ANK2: variants seen among roughly 807,000 people sequenced by gnomAD.
ANK2 encodes the protein ankyrin-2.
In ANK2, 83 loss-of-function variants were observed where a neutral mutation model predicts 360.5. The ratio of observed to expected loss-of-function variants is 0.23; its 90% CI spans 0.19 to 0.28. The LOEUF (loss-of-function observed/expected upper bound fraction) is 0.28. ANK2 is among the 10% of genes least tolerant of loss of function. ANK2 has a pLI of 1.00. For missense variants in ANK2, 4,201 were observed against 4,795.7 expected, an observed-to-expected ratio of 0.88 and a Z score of 3.66; for synonymous variants, 1,740 against 1,759.5, an observed-to-expected ratio of 0.99 and a Z score of 0.28.
the ANK2 span, among the ~76,000 whole-genome samples, chr4:112,760,426 A>G: frequency 6.6e-6 from 1 of 151,600 alleles, no homozygotes; most frequent in Non-Finnish European, 1.5e-5. Context: ...TGACCTTGTG[A>G]TCCGCCCGCC....
intron 1 of ANK2, among the ~76,000 whole-genome samples, chr4:113,139,610 T>C (rs1159076130): frequency 6.6e-6 from 1 of 152,230 alleles, no homozygotes; most frequent in Non-Finnish European, 1.5e-5. Context: ...TCCAGTCCGA[T>C]GTGATAGAAC....
At chr4:113,256,364 G>T (rs1252461275) in intron 11 of ANK2, among the ~76,000 whole-genome samples, 1 of 152,062 alleles carries the variant, frequency 6.6e-6, no homozygotes, top group Non-Finnish European at 1.5e-5. Flanking sequence ...TATGTAAGGG[G>T]GTATAAAATG....
chr4:113,252,247 G>A (rs2046863985), intron 10 of ANK2, among the ~76,000 whole-genome samples: 1 of 152,120 alleles, frequency 6.6e-6, no homozygotes, highest in African/African-American at 2.4e-5. Flanking sequence ...ATAGTTTGGG[G>A]GAATCCGCCC....
chr4:113,311,141 C>T (rs564783466), intron 23 of ANK2, 114 bp from the exon 24 acceptor site: 31 of 1,306,218 alleles, frequency 2.4e-5, no homozygotes, highest in South Asian at 8.5e-5. Flanking sequence ...GTGTGCAGTG[C>T]AGTTTCATCA....
intron 1 of ANK2, among the ~76,000 whole-genome samples, chr4:113,066,505 G>GA (rs2075668326): frequency 6.6e-6 from 1 of 152,172 alleles, no homozygotes. Flanking sequence ...TACATAAATA[G>GA]ATGATTACTA....
At chr4:113,249,551 T>C (rs149027155) in intron 9 of ANK2, among the ~76,000 whole-genome samples, 6 of 152,340 alleles carry the variant, frequency 3.9e-5, no homozygotes, top group Admixed American at 3.3e-4. Context: ...TTGTTTGTCT[T>C]TCCCTTTCTC....
intron 2 of ANK2, among the ~76,000 whole-genome samples, chr4:113,021,828 CAG>C (rs570645526): frequency 9.2e-5 from 14 of 151,988 alleles, no homozygotes; most frequent in African/African-American, 3.4e-4. Flanking sequence ...TGGAAAGAGA[CAG>C]AGATGAAATT....
chr4:112,739,759 G>C, the ANK2 span, among the ~76,000 whole-genome samples: 2 of 152,140 alleles, frequency 1.3e-5, no homozygotes, highest in African/African-American at 4.8e-5. Context: ...TCTTAGCTTT[G>C]TCAGTGTAGA....
At chr4:113,167,164 A>G (rs1164432459) in intron 1 of ANK2, among the ~76,000 whole-genome samples, 2 of 152,166 alleles carry the variant, frequency 1.3e-5, no homozygotes, top group Admixed American at 1.3e-4. Flanking sequence ...CTAATTTTTA[A>G]ACCTATTTAC....
intron 1 of ANK2, among the ~76,000 whole-genome samples, chr4:112,836,808 C>T (rs917900962): frequency 3.3e-5 from 5 of 152,154 alleles, no homozygotes; most frequent in African/African-American, 1.2e-4. Context: ...CTGGTTTTTC[C>T]TGAAAGTGCA....
chr4:113,257,313 G>A (rs1472799911), intron 11 of ANK2, among the ~76,000 whole-genome samples: 1 of 152,108 alleles, frequency 6.6e-6, no homozygotes, highest in Admixed American at 6.5e-5. Context: ...AGCCTAGTTC[G>A]CCAAGTTAGA....
intron 2 of ANK2, among the ~76,000 whole-genome samples, chr4:112,913,003 A>T (rs2088237313): frequency 6.6e-6 from 1 of 152,138 alleles, no homozygotes; most frequent in Admixed American, 6.5e-5. Context: ...GGTTTTTTCC[A>T]AATTTATAAT....
chr4:113,129,198 G>T (rs1019101106), intron 1 of ANK2, among the ~76,000 whole-genome samples: 4 of 152,106 alleles, frequency 2.6e-5, no homozygotes, highest in Admixed American at 2.6e-4. Flanking sequence ...AGAAGGGACA[G>T]ATTTTTTTAT....
At chr4:113,074,114 AT>A (rs2154342480) in intron 1 of ANK2, among the ~76,000 whole-genome samples, 1 of 152,324 alleles carries the variant, frequency 6.6e-6, no homozygotes, top group East Asian at 1.9e-4. Context: ...ATTATTGGTA[AT>A]ATATCTGTAG....
chr4:113,337,336 G>A (rs534058292), intron 31 of ANK2, among the ~76,000 whole-genome samples: 3 of 152,220 alleles, frequency 2.0e-5, no homozygotes, highest in East Asian at 1.9e-4. Flanking sequence ...CTGATTTTTG[G>A]TCTTTTCAAT....
chr4:112,784,332 G>A, the ANK2 span, among the ~76,000 whole-genome samples: 1 of 145,644 alleles, frequency 6.9e-6, no homozygotes, highest in African/African-American at 2.5e-5. Flanking sequence ...CTACAGGCAC[G>A]TGCCACCACC....
chr4:112,826,800 G>T, intron 1 of ANK2: 1 of 1,096,104 alleles, frequency 9.1e-7, no homozygotes, highest in Non-Finnish European at 1.4e-6. Context: ...GTTGCTTCAA[G>T]CATCTTCTAC....
In ANK2 at chr4:113,058,890, G is replaced by A. The variant is rs143931270; in HGVS notation, c.84+9078G>A. On this transcript the variant is annotated intron_variant, in intron 1 of 45. Coordinates refer to ENST00000357077, the MANE Select transcript of ANK2 (RefSeq NM_001148.6). ...CTGATATAACAAAGTACCTTAGAGT[G>A]AGTAGTTTAAAAACAACAGAAATTT... Among the ~76,000 whole-genome samples the A allele has an allele frequency of 1.9e-3, 284 of 152,240 alleles. 1 individual carries two copies. The highest frequency in any genetic ancestry group is 6.4e-3 in the African/African-American group (266 of 41,552).
Position 112,972,596 on chromosome 4 carries a change from C to T in ANK2, c.21+68082C>T, listed in dbSNP as rs973034560. On this transcript the variant is annotated intron_variant, in intron 2 of 30. Transcript: ENST00000503271. Reference sequence around the variant, plus strand: ...AAGGTTTAAGAGGTGCCCACGTACACGGGACGTTACATATAGCAAATATGG... The same window carrying T: ...AAGGTTTAAGAGGTGCCCACGTACATGGGACGTTACATATAGCAAATATGG... Among the ~76,000 whole-genome samples the T allele has an allele frequency of 5.3e-5, 8 of 152,006 alleles. 1 individual carries two copies. The highest frequency in any genetic ancestry group is 1.5e-4 in the African/African-American group (6 of 41,378).
Sources: allele counts gnomAD v4.1 joint callset (sites outside exome capture counted in the v4.1 genomes callset), GRCh38; gene constraint gnomAD v4.1.1; transcripts MANE v1.5; gene names NCBI Gene and HGNC (gene_info 2026-07-23, HGNC 2026-07-21).